Variants in B3GALT1 observed in about 807,000 individuals in gnomAD.
B3GALT1 encodes beta-1,3-galactosyltransferase 1, also known as UDP-Gal:betaGlcNAc beta 1,3-galactosyltransferase, polypeptide 1.
In B3GALT1, 10 loss-of-function variants were observed where a neutral mutation model predicts 23.2. The ratio of observed to expected loss-of-function variants is 0.43; its 90% CI spans 0.27 to 0.73. The LOEUF (loss-of-function observed/expected upper bound fraction) is 0.73, where lower values mean the gene tolerates loss of function less well. Among genes scored for constraint, B3GALT1 ranks in the 30% least tolerant of loss-of-function variants. The pLI, the probability that B3GALT1 is intolerant of heterozygous loss-of-function variation, is 0.21. For synonymous variants in B3GALT1, 156 were observed against 141.5 expected, an observed-to-expected ratio of 1.10 and a Z score of -0.73; for missense variants, 299 against 405.4, an observed-to-expected ratio of 0.74 and a Z score of 2.25.
At chr2:167,791,514 T>G (rs1191168689) in intron 3 of B3GALT1, among the ~76,000 whole-genome samples, 3 of 152,188 alleles carry the variant, frequency 2.0e-5, no homozygotes. Context: ...GTCTACTCAA[T>G]GTAGTCTCTG....
intron 1 of B3GALT1, among the ~76,000 whole-genome samples, chr2:167,407,990 T>C (rs1698328501): frequency 1.3e-5 from 2 of 149,348 alleles, no homozygotes; most frequent in Admixed American, 6.7e-5. Context: ...AGGCCAGCAT[T>C]ACCCTGATAA....
intron 1 of B3GALT1, among the ~76,000 whole-genome samples, chr2:167,432,487 T>C (rs1014077720): frequency 2.6e-5 from 4 of 152,184 alleles, no homozygotes; most frequent in African/African-American, 9.7e-5. Context: ...GGATCATTCA[T>C]TGCCTTAGCA....
intron 1 of B3GALT1, among the ~76,000 whole-genome samples, chr2:167,445,795 G>T (rs1316527185): frequency 6.6e-6 from 1 of 152,158 alleles, no homozygotes; most frequent in Non-Finnish European, 1.5e-5. Context: ...ACAGCACACT[G>T]ATGGGTCTTG....
intron 3 of B3GALT1, among the ~76,000 whole-genome samples, chr2:167,781,837 A>G (rs1213301424): frequency 6.6e-6 from 1 of 152,046 alleles, no homozygotes. Flanking sequence ...TGCCTCCTGA[A>G]TTCAAGCAAT....
intron 3 of B3GALT1, chr2:167,714,128 C>G: frequency 6.6e-7 from 1 of 1,526,508 alleles, no homozygotes; most frequent in South Asian, 1.1e-5. Flanking sequence ...TTTATCCAAA[C>G]AAGGCATATT....
At chr2:167,682,377 G>T (rs529092035) in intron 3 of B3GALT1, among the ~76,000 whole-genome samples, 1 of 152,124 alleles carries the variant, frequency 6.6e-6, no homozygotes, top group South Asian at 2.1e-4. Flanking sequence ...CTCTCATCTC[G>T]TAATTTCTGC....
At chr2:167,729,706 G>A (rs6752240) in intron 3 of B3GALT1, among the ~76,000 whole-genome samples, 27,711 of 151,864 alleles carry the variant, frequency 0.18, 2,935 homozygotes, top group East Asian at 0.32. Flanking sequence ...ACATCCATCC[G>A]TCCTTTCTAG....
intron 1 of B3GALT1, among the ~76,000 whole-genome samples, chr2:167,432,237 C>G (rs1698717162): frequency 1.3e-5 from 2 of 152,150 alleles, no homozygotes; most frequent in Admixed American, 1.3e-4. Flanking sequence ...GCTGAACACT[C>G]TAGTGACAGA....
At chr2:167,797,893 A>T (rs1688569665) in intron 3 of B3GALT1, among the ~76,000 whole-genome samples, 1 of 151,990 alleles carries the variant, frequency 6.6e-6, no homozygotes, top group Non-Finnish European at 1.5e-5. Flanking sequence ...TTTAGTAGAG[A>T]TGGGGTTTCA....
At chr2:167,686,902 C>T (rs147449349) in intron 3 of B3GALT1, among the ~76,000 whole-genome samples, 137 of 152,262 alleles carry the variant, frequency 9.0e-4, no homozygotes, top group African/African-American at 3.0e-3. Context: ...TCCTGTAACG[C>T]GGACAGTCAC....
At chr2:167,437,979 G>A (rs1468480133) in intron 1 of B3GALT1, among the ~76,000 whole-genome samples, 1 of 152,122 alleles carries the variant, frequency 6.6e-6, no homozygotes, top group Non-Finnish European at 1.5e-5. Context: ...TATTAAAATG[G>A]CACTTTCTTC....
Position 167,693,476 on chromosome 2 carries a change from A to C in B3GALT1, c.-352+46510A>C, listed in dbSNP as rs977442666. ...TCAATAGAACTGTAGGCTTCATCCA[A>C]CCTCATGAGAGTGGCAAACACTGTC... On this transcript the variant is annotated intron_variant, in intron 3 of 4. Coordinates refer to ENST00000392690, the MANE Select transcript of B3GALT1 (RefSeq NM_020981.4). Among the ~76,000 whole-genome samples, 15 of 152,172 alleles carry C rather than the reference A, an allele frequency of 9.9e-5. No individual in the cohort carries two copies. In the South Asian group the frequency reaches 1.0e-3, roughly 11 times the overall value.
chr2:167,346,366 A>G (rs1363486485), intron 1 of B3GALT1, among the ~76,000 whole-genome samples: 1 of 152,180 alleles, frequency 6.6e-6, no homozygotes, highest in African/African-American at 2.4e-5. Flanking sequence ...TATTTACAGT[A>G]TATATCTACT....
chr2:167,434,546 A>G (rs1358191862), intron 1 of B3GALT1, among the ~76,000 whole-genome samples: 1 of 149,754 alleles, frequency 6.7e-6, no homozygotes, highest in East Asian at 2.0e-4. Context: ...AAAAACCCAC[A>G]TAACTACAAA....
At chr2:167,321,830 T>C (rs145300942) in intron 1 of B3GALT1, among the ~76,000 whole-genome samples, 2,671 of 152,114 alleles carry the variant, frequency 0.018, 39 homozygotes, top group Non-Finnish European at 0.026. Context: ...AATATGGTAA[T>C]CTAAACTGGG....
At chr2:167,507,852 A>G (rs905305678) in intron 2 of B3GALT1, among the ~76,000 whole-genome samples, 1 of 152,216 alleles carries the variant, frequency 6.6e-6, no homozygotes, top group Non-Finnish European at 1.5e-5. Flanking sequence ...GTACTTAGTG[A>G]ATGTCTTAGT....
intron 3 of B3GALT1, among the ~76,000 whole-genome samples, chr2:167,784,001 G>T (rs1395877790): frequency 6.6e-6 from 1 of 152,144 alleles, no homozygotes; most frequent in Non-Finnish European, 1.5e-5. Context: ...GTTGTAAAAC[G>T]CTATGAAGTA....
chr2:167,665,446 C>T (rs550826584), intron 3 of B3GALT1, among the ~76,000 whole-genome samples: 3 of 149,978 alleles, frequency 2.0e-5, no homozygotes, highest in South Asian at 4.2e-4. Context: ...TGTCTCTGGC[C>T]GGCTTTGGTA....
intron 1 of B3GALT1, among the ~76,000 whole-genome samples, chr2:167,371,602 T>A (rs1191418746): frequency 1.3e-5 from 2 of 152,138 alleles, no homozygotes; most frequent in African/African-American, 2.4e-5. Context: ...GGTAATAATG[T>A]AACTTGGGAT....
Sources: allele counts gnomAD v4.1 joint callset (sites outside exome capture counted in the v4.1 genomes callset), GRCh38; gene constraint gnomAD v4.1.1; transcripts MANE v1.5; gene names NCBI Gene and HGNC (gene_info 2026-07-23, HGNC 2026-07-21).